The following PTPN11 variants were observed in gnomAD, a reference collection of about 807,000 sequenced individuals.
PTPN11 encodes the protein tyrosine-protein phosphatase non-receptor type 11.
PTPN11 carries 6 observed loss-of-function variants against 78.8 expected under a neutral mutation model. The ratio of observed to expected loss-of-function variants is 0.08; its 90% CI spans 0.04 to 0.15. The LOEUF (loss-of-function observed/expected upper bound fraction) is 0.15. Ranked by LOEUF, PTPN11 falls within the 10% of genes least tolerant of loss-of-function variation. PTPN11 has a pLI of 1.00. For missense variants in PTPN11, 386 were observed against 744.8 expected (o/e 0.52, Z 5.61); for synonymous variants, 221 against 263.5 (o/e 0.84, Z 1.56).
intron 1 of PTPN11, among the ~76,000 whole-genome samples, chr12:112,424,057 A>T (rs1454124527): frequency 6.6e-6 from 1 of 152,110 alleles, no homozygotes; most frequent in African/African-American, 2.4e-5. Flanking sequence ...TGGCCTTTAC[A>T]ATGTCTATTT....
At position 112,477,994 on chromosome 12, in the gene PTPN11, G is replaced by A. The variant is rs779125362; in HGVS notation, c.1071G>A (p.Thr357=). Residue 357 remains threonine, a synonymous_variant, in exon 9 of 16, where the codon ACG becomes ACA. Coordinates refer to ENST00000351677, the MANE Select transcript of PTPN11 (RefSeq NM_002834.5). The part of the protein sequence containing the change: ...QENSRVIVMT[T]KEVERGKSKC... ...ACTCCCGAGTGATTGTCATGACAAC[G>A]AAAGAAGTGGAGAGAGGAAAGGTAA... 2.5e-6 allele frequency: 4 copies of A among 1,614,084 alleles called. No individual in the cohort carries two copies. The highest frequency in any genetic ancestry group is 2.2e-5 in the East Asian group (1 of 44,880).
chr12:112,457,096 C>T (rs1348266660), intron 6 of PTPN11, among the ~76,000 whole-genome samples: 1 of 152,072 alleles, frequency 6.6e-6, no homozygotes, highest in Non-Finnish European at 1.5e-5. Context: ...CTCTCCCTCC[C>T]CTTTAATGCA....
chr12:112,464,811 A>G (rs1315988042), intron 6 of PTPN11, among the ~76,000 whole-genome samples: 1 of 152,146 alleles, frequency 6.6e-6, no homozygotes, highest in Non-Finnish European at 1.5e-5. Context: ...GTTGTAGTGC[A>G]CTGCAGCCTT....
At chr12:112,501,019 C>T (rs2135927877) in intron 13 of PTPN11, among the ~76,000 whole-genome samples, 1 of 152,214 alleles carries the variant, frequency 6.6e-6, no homozygotes, top group East Asian at 1.9e-4. Context: ...ATTCTCCTGC[C>T]TCAGCCTCCC....
chr12:112,504,205 TG>T lies in PTPN11; in HGVS notation c.1713-489del. ...CTTGAGGCTTTTATTGCACTTCTGT[TG>T]TTTTTTTGAGATGGAGTCTCGCTCT... is the stretch of plus-strand genomic sequence containing the variant. On this transcript the variant is annotated intron_variant, in intron 14 of 15. Coordinates refer to ENST00000351677, the MANE Select transcript of PTPN11 (RefSeq NM_002834.5). The surrounding 1 kb of genome is among the most constrained non-coding windows in gnomAD (Gnocchi z 4.7). Among the ~76,000 whole-genome samples the T allele has an allele frequency of 6.6e-6, 1 of 152,214 alleles. No individual in the cohort carries two copies. The highest frequency in any genetic ancestry group is 2.1e-4 in the South Asian group (1 of 4,820).
At chr12:112,430,925 T>G (rs1180238579) in intron 1 of PTPN11, among the ~76,000 whole-genome samples, 2 of 152,168 alleles carry the variant, frequency 1.3e-5, no homozygotes, top group Non-Finnish European at 2.9e-5. Flanking sequence ...AGCATACAGA[T>G]AGGGAAAAAT....
intron 13 of PTPN11, among the ~76,000 whole-genome samples, chr12:112,497,875 G>A (rs980693435): frequency 2.6e-5 from 4 of 152,184 alleles, no homozygotes; most frequent in African/African-American, 7.2e-5. Flanking sequence ...ATTTTAGGCC[G>A]GATGTGGTGG....
intron 9 of PTPN11, among the ~76,000 whole-genome samples, chr12:112,479,465 T>G (rs1006122890): frequency 6.6e-6 from 1 of 152,216 alleles, no homozygotes; most frequent in Non-Finnish European, 1.5e-5. Flanking sequence ...GTGATTTTCA[T>G]AAGACTTTCA....
Position 112,506,361 on chromosome 12 carries a change from T to G in PTPN11, c.*569T>G, listed in dbSNP as rs2038935286. ...AGCCAGTGCCTGAGACTGTCAGAAG[T>G]TGACCTTTGCACTGGCATTAAAGAG... is the stretch of plus-strand genomic sequence containing the variant. On this transcript the variant is annotated 3_prime_UTR_variant, in exon 16 of 16. Transcript: ENST00000351677. 5 of 152,158 alleles carry G rather than the reference T, an allele frequency of 3.3e-5. 1 individual carries two copies. The allele number at this position is 152,158 out of a possible 1,614,324, so 9.4% of individuals were successfully genotyped here. A position where few individuals can be genotyped will look rare whatever the true frequency, so the allele number is the denominator to read the frequency against.
At chr12:112,430,954 G>A (rs1000131770) in intron 1 of PTPN11, among the ~76,000 whole-genome samples, 4 of 152,202 alleles carry the variant, frequency 2.6e-5, no homozygotes, top group African/African-American at 9.6e-5. Flanking sequence ...CAGTACCACC[G>A]ATTGGGTGAG....
intron 1 of PTPN11, among the ~76,000 whole-genome samples, chr12:112,434,534 G>C (rs2037760238): frequency 6.6e-6 from 1 of 151,862 alleles, no homozygotes; most frequent in African/African-American, 2.4e-5. Context: ...CTTGAACCCA[G>C]GTGGCAGAGG....
At chr12:112,478,049 T>C (rs770004800) in intron 9 of PTPN11, 34 bp downstream of exon 9, 3 of 1,610,926 alleles carry the variant, frequency 1.9e-6, no homozygotes, top group Non-Finnish European at 2.5e-6. Flanking sequence ...TGCTAAACTG[T>C]TTTTAAAGTA....
At chr12:112,492,522 C>CT (rs978811421) in intron 13 of PTPN11, among the ~76,000 whole-genome samples, 259 of 144,844 alleles carry the variant, frequency 1.8e-3, no homozygotes, top group Middle Eastern at 7.2e-3. Flanking sequence ...TCTCATAATA[C>CT]TTTTTTTTTT....
chr12:112,419,011 C>G lies in PTPN11; in HGVS notation c.-101C>G. On this transcript the variant is annotated 5_prime_UTR_variant, in exon 1 of 16. Coordinates refer to ENST00000351677, the MANE Select transcript of PTPN11 (RefSeq NM_002834.5). The stretch of plus-strand genomic sequence containing the variant: ...CGGCCGGCTGGCTCTGCCCCGCGTC[C>G]GGTCCCGAGCGGGCCTCCCTCGGGC... The G allele has an allele frequency of 6.8e-7, 1 of 1,461,106 alleles. No individual in the cohort carries two copies. Among genetic ancestry groups the G allele is most frequent in the South Asian group, 1.2e-5 (1 of 81,398 alleles). The allele number at this position is 1,461,106 out of a possible 1,614,324, so 90.5% of individuals were successfully genotyped here.
chr12:112,496,399 GA>G (rs1254036220), intron 13 of PTPN11, among the ~76,000 whole-genome samples: 2 of 152,182 alleles, frequency 1.3e-5, no homozygotes, highest in Admixed American at 6.5e-5. Context: ...TGGGGGTTTA[GA>G]AACCAATCTG....
intron 6 of PTPN11, among the ~76,000 whole-genome samples, chr12:112,456,520 G>A (rs886364861): frequency 6.7e-6 from 1 of 149,758 alleles, no homozygotes; most frequent in Non-Finnish European, 1.5e-5. Flanking sequence ...GTGTAGTGGC[G>A]TGATCTCGGT....
intron 1 of PTPN11, among the ~76,000 whole-genome samples, chr12:112,429,043 G>A (rs2037669150): frequency 6.6e-6 from 1 of 152,090 alleles, no homozygotes; most frequent in African/African-American, 2.4e-5. Flanking sequence ...CACCGCGTCC[G>A]GCCTCTTAAC....
At chr12:112,477,583 A>G in intron 7 of PTPN11, 68 bp from the exon 8 acceptor site, 2 of 1,254,308 alleles carry the variant, frequency 1.6e-6, no homozygotes, top group Non-Finnish European at 2.3e-6. Context: ...CTGGGGAGTA[A>G]CTGATTTGAA....
intron 13 of PTPN11, among the ~76,000 whole-genome samples, chr12:112,492,667 G>A (rs1033760770): frequency 4.0e-5 from 6 of 151,698 alleles, no homozygotes; most frequent in Non-Finnish European, 5.9e-5. Flanking sequence ...ACAGGCGCCC[G>A]CCATCACACC....
Sources: gnomAD v4.1 joint callset for allele counts (sites outside exome capture counted in the v4.1 genomes callset) on GRCh38, gnomAD v4.1.1 for gene constraint, Gnocchi (gnomAD v3.1) non-coding constraint, MANE v1.5 for transcripts, NCBI Gene and HGNC (gene_info 2026-07-23, HGNC 2026-07-21) for gene names.